Variants in AP1S3 observed in about 807,000 individuals in gnomAD.
AP1S3 encodes the protein adaptor related protein complex 1 subunit sigma 3.
Under a neutral mutation model 20.9 loss-of-function variants are expected in AP1S3, and 10 were observed. That is an observed-to-expected ratio of 0.48 (90% CI 0.29 to 0.81). The LOEUF is 0.81. Among genes scored for constraint, AP1S3 ranks in the 30% least tolerant of loss-of-function variants. The probability of loss-of-function intolerance (pLI) is 0.08; values close to 1 mark genes in which losing one functional copy is unlikely to be tolerated. For synonymous variants in AP1S3, 41 were observed against 61.5 expected (o/e 0.67, Z 1.56); for missense variants, 154 against 183.8 (o/e 0.84, Z 0.94).
intron 3 of AP1S3, among the ~76,000 whole-genome samples, chr2:223,773,945 GGGA>G (rs1690698576): frequency 6.6e-6 from 1 of 152,182 alleles, no homozygotes; most frequent in African/African-American, 2.4e-5. Flanking sequence ...AAGCGGTGGG[GGGA>G]TAAAATGAGT....
At chr2:223,828,302 T>TA in intron 1 of AP1S3, among the ~76,000 whole-genome samples, 1 of 148,040 alleles carries the variant, frequency 6.8e-6, no homozygotes, top group African/African-American at 2.5e-5. Context: ...TCTCTTTTTT[T>TA]TTTTTTTTTT....
chr2:223,836,403 C>T (rs934657157), intron 1 of AP1S3, among the ~76,000 whole-genome samples: 2 of 152,208 alleles, frequency 1.3e-5, no homozygotes, highest in African/African-American at 4.8e-5. Context: ...GACCCCCTAT[C>T]CCCTGCCCTT....
chr2:223,767,656 C>T (rs1690515302), intron 3 of AP1S3, among the ~76,000 whole-genome samples: 1 of 151,990 alleles, frequency 6.6e-6, no homozygotes, highest in South Asian at 2.1e-4. Context: ...CTCTGGGCCA[C>T]TAGTCCAATA....
At chr2:223,828,935 C>T (rs758251604) in intron 1 of AP1S3, among the ~76,000 whole-genome samples, 10 of 152,170 alleles carry the variant, frequency 6.6e-5, no homozygotes, top group Non-Finnish European at 1.5e-4. Context: ...CTCCACCCTC[C>T]GGGTTCAAGC....
intron 1 of AP1S3, among the ~76,000 whole-genome samples, chr2:223,825,235 C>T (rs112199801): frequency 0.012 from 1,890 of 151,782 alleles, 27 homozygotes; most frequent in African/African-American, 0.04. Context: ...ATGGCGTGAA[C>T]CCGGGAGGCG....
chr2:223,755,935 G>A lies in AP1S3; in HGVS notation c.*2780C>T. 1 of 985,426 alleles carries A rather than the reference G, an allele frequency of 1.0e-6. No homozygotes were observed. Among genetic ancestry groups the A allele is most frequent in the Non-Finnish European group, 1.2e-6 (1 of 829,930 alleles). 61.0% of individuals were successfully genotyped at this position (985,426 alleles called of 1,614,324 possible). ...TATCCAGAACATGTGTAGTATATTT[G>A]AATGAGGTTCAAGAGATACCTTTAT... is the stretch of plus-strand genomic sequence containing the variant. On this transcript the variant is annotated 3_prime_UTR_variant, in exon 5 of 5. Coordinates refer to ENST00000396654, the MANE Select transcript of AP1S3 (RefSeq NM_001039569.2).
chr2:223,816,439 T>A (rs779685814), intron 1 of AP1S3, among the ~76,000 whole-genome samples: 16 of 152,224 alleles, frequency 1.1e-4, no homozygotes, highest in Non-Finnish European at 1.6e-4. Context: ...CATGAACACG[T>A]AGCTTTGCTA....
chr2:223,770,926 G>T (rs972084780), intron 3 of AP1S3, among the ~76,000 whole-genome samples: 6 of 151,590 alleles, frequency 4.0e-5, no homozygotes, highest in African/African-American at 1.5e-4. Context: ...TAGAGACAGG[G>T]ATTCACCATG....
intron 1 of AP1S3, among the ~76,000 whole-genome samples, chr2:223,778,605 A>G (rs1344368024): frequency 5.9e-5 from 9 of 152,226 alleles, no homozygotes; most frequent in Admixed American, 1.3e-4. Flanking sequence ...AACTATAGAA[A>G]CATAATGATA....
At chr2:223,820,588 G>A (rs563207468) in intron 1 of AP1S3, among the ~76,000 whole-genome samples, 43 of 144,770 alleles carry the variant, frequency 3.0e-4, no homozygotes, top group Non-Finnish European at 6.2e-4. Context: ...AAGTTTCAAT[G>A]TTTGTCCCAA....
chr2:223,811,203 C>T (rs1691717097), intron 1 of AP1S3, among the ~76,000 whole-genome samples: 1 of 151,926 alleles, frequency 6.6e-6, no homozygotes, highest in South Asian at 2.1e-4. Context: ...AGCGATTCTC[C>T]TGCCTCAGCC....
intron 1 of AP1S3, among the ~76,000 whole-genome samples, chr2:223,801,570 G>A (rs758477769): frequency 4.6e-5 from 7 of 152,040 alleles, no homozygotes; most frequent in Non-Finnish European, 8.8e-5. Flanking sequence ...TCAGCCTCCC[G>A]TGTAGCTGGG....
At chr2:223,770,341 G>A (rs763397201) in intron 3 of AP1S3, 8 of 1,549,662 alleles carry the variant, frequency 5.2e-6, no homozygotes, top group African/African-American at 1.4e-5. Flanking sequence ...AAGTGAACCT[G>A]ACAGATACTA....
chr2:223,798,120 G>A (rs1203925647), intron 1 of AP1S3, among the ~76,000 whole-genome samples: 1 of 152,074 alleles, frequency 6.6e-6, no homozygotes, highest in South Asian at 2.1e-4. Flanking sequence ...AAGATTGCCA[G>A]CTCAGGTTTC....
Position 223,791,241 on chromosome 2 carries a change from A to G in AP1S3, c.4-13372T>C, listed in dbSNP as rs1313280900. On this transcript the variant is annotated intron_variant, in intron 1 of 4. Transcript: ENST00000396654. The stretch of plus-strand genomic sequence containing the variant: ...ACAACAACAACAACAACAAAAACAC[A>G]TCAGGACAATATCCTCGATGAACAT... Among the ~76,000 whole-genome samples the G allele has an allele frequency of 2.6e-5, 4 of 151,960 alleles. No homozygotes were observed. In the East Asian group the frequency reaches 7.7e-4, roughly 29 times the overall value.
At chr2:223,778,658 C>T (rs539824275) in intron 1 of AP1S3, among the ~76,000 whole-genome samples, 3 of 150,372 alleles carry the variant, frequency 2.0e-5, no homozygotes, top group Non-Finnish European at 4.4e-5. Flanking sequence ...GAGGCTGAAG[C>T]AAGGGGAACG....
intron 3 of AP1S3, among the ~76,000 whole-genome samples, chr2:223,772,689 G>T (rs555319292): frequency 6.6e-6 from 1 of 152,124 alleles, no homozygotes; most frequent in South Asian, 2.1e-4. Flanking sequence ...AGTAGCCAGA[G>T]ATTTTGATCC....
intron 1 of AP1S3, among the ~76,000 whole-genome samples, chr2:223,816,425 G>C (rs988866213): frequency 6.6e-6 from 1 of 152,072 alleles, no homozygotes; most frequent in African/African-American, 2.4e-5. Context: ...CCAGGTTTCC[G>C]GGCCATGAAC....
intron 1 of AP1S3, among the ~76,000 whole-genome samples, chr2:223,827,021 C>T (rs1378585108): frequency 6.6e-6 from 1 of 152,122 alleles, no homozygotes; most frequent in African/African-American, 2.4e-5. Flanking sequence ...TTGTAAGAGG[C>T]GGGCAATGGT....
Sources: allele counts gnomAD v4.1 joint callset (sites outside exome capture counted in the v4.1 genomes callset), GRCh38; gene constraint gnomAD v4.1.1; transcripts MANE v1.5; gene names NCBI Gene and HGNC (gene_info 2026-07-23, HGNC 2026-07-21).